Variants in CYFIP2 observed in about 807,000 individuals in gnomAD.
CYFIP2 encodes cytoplasmic FMR1-interacting protein 2.
Under a neutral mutation model 158.7 loss-of-function variants are expected in CYFIP2, and 29 were observed. That is an observed-to-expected ratio of 0.18 (90% CI 0.14 to 0.25). The LOEUF (loss-of-function observed/expected upper bound fraction) is 0.25. Among genes scored for constraint, CYFIP2 ranks in the 10% least tolerant of loss-of-function variants. CYFIP2 has a pLI of 1.00. For synonymous variants in CYFIP2, 585 were observed against 617.6 expected (o/e 0.95, Z 0.78); for missense variants, 852 against 1,639.5 (o/e 0.52, Z 8.29).
chr5:157,377,543 C>G (rs10075248), intron 26 of CYFIP2, among the ~76,000 whole-genome samples: 143 of 152,284 alleles, frequency 9.4e-4, no homozygotes, highest in African/African-American at 2.7e-3. Context: ...TAGAATTGCC[C>G]ATTCTAGTTT....
intron 2 of CYFIP2, among the ~76,000 whole-genome samples, chr5:157,286,443 AC>A (rs1422850126): frequency 6.7e-5 from 10 of 149,572 alleles, no homozygotes; most frequent in African/African-American, 2.4e-4. Context: ...TGGCTTTTTA[AC>A]TTAAAATTTA....
chr5:157,377,517 C>T (rs1012649186), intron 26 of CYFIP2, among the ~76,000 whole-genome samples: 1 of 152,158 alleles, frequency 6.6e-6, no homozygotes, highest in African/African-American at 2.4e-5. Flanking sequence ...AGGCATACCC[C>T]AATTGTAGCA....
At chr5:157,371,552 T>C (rs1226469024) in intron 26 of CYFIP2, among the ~76,000 whole-genome samples, 1 of 152,180 alleles carries the variant, frequency 6.6e-6, no homozygotes, top group Non-Finnish European at 1.5e-5. Context: ...ATATTGAATC[T>C]TTTTAAAATA....
chr5:157,380,753 A>C (rs1304213690), intron 26 of CYFIP2, among the ~76,000 whole-genome samples: 1 of 152,244 alleles, frequency 6.6e-6, no homozygotes, highest in Non-Finnish European at 1.5e-5. Context: ...CATCATTCAA[A>C]AATCATCCAA....
At chr5:157,362,217 G>T (rs1190706894) in intron 26 of CYFIP2, among the ~76,000 whole-genome samples, 1 of 152,202 alleles carries the variant, frequency 6.6e-6, no homozygotes, top group Non-Finnish European at 1.5e-5. Flanking sequence ...CAGCTTGTGG[G>T]TATGGCTTCT....
Position 157,339,119 on chromosome 5 carries a change from G to T in CYFIP2, c.2448G>T (p.Thr816=). Residue 816 remains threonine, a synonymous_variant, in exon 22 of 31, where the codon ACG becomes ACT. Coordinates refer to ENST00000620254, the MANE Select transcript of CYFIP2 (RefSeq NM_001037333.3). The part of the protein sequence containing the change: ...LTHRLLCKHM[T]LDSFDAMFRE... ...ATCGGCTGCTCTGTAAGCATATGACGCTGGACAGCTTCGATGCCATGTTCC... is the reference window on the plus strand; with the variant it reads ...ATCGGCTGCTCTGTAAGCATATGACTCTGGACAGCTTCGATGCCATGTTCC... 1 of 1,613,984 alleles carries T rather than the reference G, an allele frequency of 6.2e-7. No individual in the cohort carries two copies.
intron 4 of CYFIP2, 111 bp from the exon 5 acceptor site, chr5:157,296,562 C>A: frequency 1.0e-6 from 1 of 994,892 alleles, no homozygotes; most frequent in Non-Finnish European, 1.6e-6. Context: ...CCACTGCACT[C>A]TAGCCTGGAC....
chr5:157,296,548 C>T, intron 4 of CYFIP2, 125 bp from the exon 5 acceptor site: 2 of 840,942 alleles, frequency 2.4e-6, no homozygotes, highest in Non-Finnish European at 3.9e-6. Flanking sequence ...GAGCCATGAT[C>T]ATGCCACTGC....
At chr5:157,376,113 C>G (rs1765451094) in intron 26 of CYFIP2, 1 of 130,436 alleles carries the variant, frequency 7.7e-6, no homozygotes, top group Non-Finnish European at 1.6e-5. Flanking sequence ...AAAACCCTGC[C>G]CCTCCTCTCA....
rs767172444 is a variant in CYFIP2 at position 157,341,110 on chromosome 5, C to A, written c.2626C>A (p.Arg876=). 1 of 1,613,972 alleles carries A rather than the reference C, an allele frequency of 6.2e-7. No homozygotes were observed. The highest frequency in any genetic ancestry group is 1.1e-5 in the South Asian group (1 of 91,084). The change falls in exon 23 of 31, where the codon CGA becomes AGA. Residue 876 remains arginine (R), a synonymous_variant. Coordinates refer to ENST00000620254, the MANE Select transcript of CYFIP2 (RefSeq NM_001037333.3). ...TAIPFTQEPQ[R]DKPANVQPYY... The stretch of plus-strand genomic sequence containing the variant: ...CATTCCTTTCACCCAAGAACCACAA[C>A]GAGACAAACCTGCCAACGTCCAGCC...
intron 2 of CYFIP2, among the ~76,000 whole-genome samples, chr5:157,286,291 A>T (rs956986149): frequency 6.6e-6 from 1 of 151,242 alleles, no homozygotes; most frequent in African/African-American, 2.4e-5. Context: ...AAACATATAA[A>T]TTTTTTCTAT....
intron 13 of CYFIP2, among the ~76,000 whole-genome samples, chr5:157,315,714 T>C (rs142415198): frequency 3.3e-5 from 5 of 152,354 alleles, no homozygotes; most frequent in African/African-American, 1.2e-4. Flanking sequence ...AATACCAAAA[T>C]ATATGAAACA....
intron 1 of CYFIP2, among the ~76,000 whole-genome samples, chr5:157,281,112 G>A (rs1200493218): frequency 2.0e-5 from 3 of 152,150 alleles, no homozygotes; most frequent in Non-Finnish European, 4.4e-5. Flanking sequence ...GTCATAGATT[G>A]CATTTTGCTG....
intron 13 of CYFIP2, 141 bp downstream of exon 13, chr5:157,315,235 C>A: frequency 8.4e-7 from 1 of 1,187,428 alleles, no homozygotes. Context: ...ATTAATCCGT[C>A]AGAAGTTATT....
chr5:157,390,913 CT>C (rs1038355798), intron 30 of CYFIP2, among the ~76,000 whole-genome samples: 2 of 152,214 alleles, frequency 1.3e-5, no homozygotes, highest in African/African-American at 4.8e-5. Context: ...GGGAGCACAT[CT>C]TCCCTGTCCC....
chr5:157,270,338 T>C (rs942319519), intron 1 of CYFIP2, among the ~76,000 whole-genome samples: 1 of 152,188 alleles, frequency 6.6e-6, no homozygotes, highest in Admixed American at 6.5e-5. Flanking sequence ...ATAAAGGTGA[T>C]GGACTGGTTA....
rs1223719706 is a variant in CYFIP2 at position 157,314,214 on chromosome 5, GAGCCTCAGTTT to G, written c.1111-128_1111-118del. The G allele has an allele frequency of 1.5e-5, 19 of 1,227,364 alleles. No homozygotes were observed. The African/African-American group carries it at 2.6e-4, about 17-fold the overall frequency. 76.0% of individuals were successfully genotyped at this position (1,227,364 alleles called of 1,614,324 possible). A position where few individuals can be genotyped will look rare whatever the true frequency, so the allele number is the denominator to read the frequency against. ...GTGGCCTTCAGCAAGGCACTTGTCTGAGCCTCAGTTTATCTGTCAAGGGGATGTAATAATAG... is the reference window on the plus strand; with the variant it reads ...GTGGCCTTCAGCAAGGCACTTGTCTGATCTGTCAAGGGGATGTAATAATAG... On this transcript the variant is annotated intron_variant, in intron 11 of 30. Coordinates refer to ENST00000620254, the MANE Select transcript of CYFIP2 (RefSeq NM_001037333.3).
chr5:157,339,291 G>A, intron 22 of CYFIP2, 35 bp downstream of exon 22: 1 of 1,590,676 alleles, frequency 6.3e-7, no homozygotes, highest in South Asian at 1.1e-5. Context: ...GGCCGGGTGG[G>A]GGTTGGGGGA....
chr5:157,365,049 T>C (rs994909555), intron 26 of CYFIP2: 3 of 151,672 alleles, frequency 2.0e-5, no homozygotes, highest in Non-Finnish European at 4.4e-5. Context: ...AAACCACAAA[T>C]AACTCTGCAT....
Sources: gnomAD v4.1 joint callset for allele counts (sites outside exome capture counted in the v4.1 genomes callset) on GRCh38, gnomAD v4.1.1 for gene constraint, MANE v1.5 for transcripts, NCBI Gene and HGNC (gene_info 2026-07-23, HGNC 2026-07-21) for gene names.